The following FBXL2 variants were observed in gnomAD, a reference collection of about 807,000 sequenced individuals.
FBXL2 encodes the protein F-box and leucine rich repeat protein 2.
In FBXL2, 38 loss-of-function variants were observed where a neutral mutation model predicts 69.2. That is an observed-to-expected ratio of 0.55 (90% CI 0.42 to 0.72). The LOEUF (loss-of-function observed/expected upper bound fraction) is 0.72. Among genes scored for constraint, FBXL2 ranks in the 30% least tolerant of loss-of-function variants. FBXL2 has a pLI of 0.00. For missense variants in FBXL2, 354 were observed against 520.3 expected, an observed-to-expected ratio of 0.68 and a Z score of 3.11; for synonymous variants, 192 against 201.3, an observed-to-expected ratio of 0.95 and a Z score of 0.39.
intron 1 of FBXL2, among the ~76,000 whole-genome samples, chr3:33,279,974 G>A (rs1036926136): frequency 6.6e-6 from 1 of 152,172 alleles, no homozygotes; most frequent in Non-Finnish European, 1.5e-5. Flanking sequence ...GTAATGTATA[G>A]TGTATCTTTA....
At chr3:33,357,883 T>C (rs1247715166) in intron 2 of FBXL2, among the ~76,000 whole-genome samples, 2 of 152,166 alleles carry the variant, frequency 1.3e-5, no homozygotes, top group Admixed American at 1.3e-4. Context: ...TTCTATCCTT[T>C]GCTTTTCACT....
At chr3:33,317,239 C>T (rs1218182536) in intron 2 of FBXL2, among the ~76,000 whole-genome samples, 1 of 152,108 alleles carries the variant, frequency 6.6e-6, no homozygotes, top group African/African-American at 2.4e-5. Flanking sequence ...TTCCCCAGTG[C>T]CCCTGTGTAC....
At chr3:33,328,801 A>ATGTGTGTGTGTGTG (rs60685309) in intron 2 of FBXL2, among the ~76,000 whole-genome samples, 1 of 146,782 alleles carries the variant, frequency 6.8e-6, no homozygotes, top group Admixed American at 6.8e-5. Context: ...GTGTGTGTGC[A>ATGTGTGTGTGTGTG]TGTGTGTGTG....
At chr3:33,342,086 G>C (rs566254625) in intron 2 of FBXL2, among the ~76,000 whole-genome samples, 1 of 142,406 alleles carries the variant, frequency 7.0e-6, no homozygotes. Context: ...CTCACTGCAA[G>C]CTCCGCCTTC....
At chr3:33,362,760 A>T (rs1390259696) in intron 4 of FBXL2, among the ~76,000 whole-genome samples, 1 of 152,058 alleles carries the variant, frequency 6.6e-6, no homozygotes, top group African/African-American at 2.4e-5. Context: ...AGAAGAGTAT[A>T]TTAGGTGCTC....
At chr3:33,422,611 G>C in the FBXL2 span, among the ~76,000 whole-genome samples, 1 of 151,914 alleles carries the variant, frequency 6.6e-6, no homozygotes, top group East Asian at 1.9e-4. Context: ...TGTAGTCCCA[G>C]CTACTCAGGA....
intron 1 of FBXL2, among the ~76,000 whole-genome samples, chr3:33,294,688 T>A (rs1324721129): frequency 6.6e-6 from 1 of 151,954 alleles, no homozygotes; most frequent in Non-Finnish European, 1.5e-5. Context: ...AAAATCATTT[T>A]AAAAACTAGC....
chr3:33,381,731 A>G (rs2043080732), intron 13 of FBXL2, among the ~76,000 whole-genome samples: 1 of 152,006 alleles, frequency 6.6e-6, no homozygotes, highest in African/African-American at 2.4e-5. Flanking sequence ...TCAAACTTCT[A>G]TTTTTTTATT....
At chr3:33,420,766 C>T in the FBXL2 span, among the ~76,000 whole-genome samples, 12 of 152,072 alleles carry the variant, frequency 7.9e-5, no homozygotes, top group Non-Finnish European at 1.0e-4. Context: ...GGTTTACAGG[C>T]GTGAGCCACC....
chr3:33,399,671 C>A (rs1413751203), intron 12 of FBXL2, among the ~76,000 whole-genome samples: 1 of 152,074 alleles, frequency 6.6e-6, no homozygotes, highest in African/African-American at 2.4e-5. Flanking sequence ...GGGTGTGACT[C>A]CGAAGGGGTA....
At chr3:33,327,840 G>A (rs182418486) in intron 2 of FBXL2, among the ~76,000 whole-genome samples, 2 of 151,960 alleles carry the variant, frequency 1.3e-5, no homozygotes, top group African/African-American at 4.8e-5. Flanking sequence ...AGAAATCCTG[G>A]CCAGTGCAAT....
chr3:33,357,200 G>A (rs901353368), intron 2 of FBXL2, among the ~76,000 whole-genome samples: 7 of 152,206 alleles, frequency 4.6e-5, no homozygotes, highest in African/African-American at 1.7e-4. Flanking sequence ...ACGTGATAAA[G>A]GTGGTATGCT....
intron 5 of FBXL2, 116 bp downstream of exon 5, chr3:33,364,835 C>G (rs771120191): frequency 1.0e-6 from 1 of 954,534 alleles, no homozygotes; most frequent in Non-Finnish European, 1.7e-6. Context: ...TGGTAATTTG[C>G]ATAGAGTAAT....
intron 12 of FBXL2, among the ~76,000 whole-genome samples, chr3:33,395,650 T>C (rs1314329848): frequency 6.6e-6 from 1 of 150,472 alleles, no homozygotes; most frequent in Non-Finnish European, 1.5e-5. Flanking sequence ...GGCCGAACAC[T>C]TGTCAGTGAC....
chr3:33,347,216 T>G (rs562726007), intron 2 of FBXL2, among the ~76,000 whole-genome samples: 1 of 152,318 alleles, frequency 6.6e-6, no homozygotes, highest in Admixed American at 6.5e-5. Flanking sequence ...AGTGAGAACA[T>G]GTGAAGTTTG....
rs543596863 is a variant in FBXL2, at chr3:33,284,823, T to A, written c.3+7308T>A. On this transcript the variant is annotated intron_variant, in intron 1 of 14. Coordinates refer to ENST00000484457, the MANE Select transcript of FBXL2 (RefSeq NM_012157.5). ...TAATGGCCTTCTTTGTCTCTTTTGA[T>A]CTTTGTTGGTTTAAAGTCTGTTTTA... is the stretch of plus-strand genomic sequence containing the variant. Among the ~76,000 whole-genome samples the A allele has an allele frequency of 1.9e-4, 29 of 152,334 alleles. No individual in the cohort carries two copies. In the East Asian group the frequency reaches 5.2e-3, roughly 27 times the overall value.
At chr3:33,313,171 A>G (rs2037366853) in intron 2 of FBXL2, among the ~76,000 whole-genome samples, 1 of 152,100 alleles carries the variant, frequency 6.6e-6, no homozygotes, top group South Asian at 2.1e-4. Flanking sequence ...TATGCCAATA[A>G]ATTTAAGAAG....
At chr3:33,397,017 TC>T (rs1287782000) in intron 12 of FBXL2, 11 of 1,576,790 alleles carry the variant, frequency 7.0e-6, no homozygotes, top group Non-Finnish European at 9.5e-6. Context: ...CATTCTTATT[TC>T]AAGCAAAACA....
chr3:33,357,806 G>A (rs2154040618), intron 2 of FBXL2, among the ~76,000 whole-genome samples: 1 of 152,246 alleles, frequency 6.6e-6, no homozygotes, highest in African/African-American at 2.4e-5. Context: ...TGGGATTACA[G>A]GCGTGAGCCA....
Sources: allele counts gnomAD v4.1 joint callset (sites outside exome capture counted in the v4.1 genomes callset), GRCh38; gene constraint gnomAD v4.1.1; transcripts MANE v1.5; gene names NCBI Gene and HGNC (gene_info 2026-07-23, HGNC 2026-07-21).